MGAT4C: variants seen among roughly 807,000 people sequenced by gnomAD.
MGAT4C encodes the protein MGAT4 family member C, also known as alpha-1,3-mannosyl-glycoprotein 4-beta-N-acetylglucosaminyltransferase C.
In MGAT4C, 19 loss-of-function variants were observed where a neutral mutation model predicts 40.1. That is an observed-to-expected ratio of 0.47 (90% CI 0.33 to 0.70). The LOEUF (loss-of-function observed/expected upper bound fraction) is 0.70, where lower values mean the gene tolerates loss of function less well. Among genes scored for constraint, MGAT4C ranks in the 30% least tolerant of loss-of-function variants. The pLI is 0.02. For missense variants in MGAT4C, 491 were observed against 563.2 expected, an observed-to-expected ratio of 0.87 and a Z score of 1.30; for synonymous variants, 181 against 187.1, an observed-to-expected ratio of 0.97 and a Z score of 0.27.
At chr12:86,364,199 G>A (rs1468300833) in intron 3 of MGAT4C, among the ~76,000 whole-genome samples, 6 of 151,900 alleles carry the variant, frequency 3.9e-5, no homozygotes, top group Non-Finnish European at 8.8e-5. Flanking sequence ...AGAAACATTT[G>A]TCAGTTTATT....
chr12:86,576,527 TC>T (rs1960564675), intron 2 of MGAT4C, among the ~76,000 whole-genome samples: 2 of 151,878 alleles, frequency 1.3e-5, no homozygotes, highest in Admixed American at 6.6e-5. Flanking sequence ...CTAGTTTCAT[TC>T]TTTTGCATAT....
intron 2 of MGAT4C, among the ~76,000 whole-genome samples, chr12:86,564,483 T>C (rs1376382917): frequency 1.3e-5 from 2 of 152,184 alleles, no homozygotes; most frequent in Admixed American, 1.3e-4. Context: ...TCCATTACAT[T>C]GATGGCATTA....
intron 2 of MGAT4C, among the ~76,000 whole-genome samples, chr12:86,591,305 A>G (rs1255662745): frequency 6.6e-6 from 1 of 152,026 alleles, no homozygotes; most frequent in East Asian, 1.9e-4. Context: ...CATCAGATCT[A>G]TGATATTAAT....
chr12:86,308,514 G>A lies in MGAT4C; in HGVS notation c.-57+25551C>T, dbSNP rs548864102. On this transcript the variant is annotated intron_variant, in intron 4 of 7. Transcript: ENST00000548651. ...TAAAAGGATGTTTTCTTCTGCAAAGGAAAAAAAAATAGGGATTTAGGCATT... is the reference window on the plus strand; with the variant it reads ...TAAAAGGATGTTTTCTTCTGCAAAGAAAAAAAAAATAGGGATTTAGGCATT... Among the ~76,000 whole-genome samples the A allele has an allele frequency of 1.9e-3, 276 of 148,172 alleles. 24 individuals are homozygous for A. Among genetic ancestry groups the A allele is most frequent in the African/African-American group, 6.7e-3 (265 of 39,268 alleles).
intron 2 of MGAT4C, among the ~76,000 whole-genome samples, chr12:86,658,776 T>C (rs1206241220): frequency 6.6e-6 from 1 of 152,142 alleles, no homozygotes; most frequent in Non-Finnish European, 1.5e-5. Context: ...GGGAAAATTA[T>C]ACTTTCTTGT....
intron 3 of MGAT4C, among the ~76,000 whole-genome samples, chr12:86,363,019 G>T (rs1955515563): frequency 6.6e-6 from 1 of 151,996 alleles, no homozygotes; most frequent in Non-Finnish European, 1.5e-5. Context: ...AAATTTGCAT[G>T]GATCTAACAA....
In MGAT4C at chr12:86,714,316, T is replaced by C. The variant is rs143032412; in HGVS notation, c.-229+12893A>G. 1.6e-3 allele frequency among the ~76,000 whole-genome samples: 243 copies of C among 152,254 alleles called. 1 individual carries two copies. The highest frequency in any genetic ancestry group is 2.5e-3 in the Non-Finnish European group (169 of 68,000). ...GTTCTTGTGTTATGTTCTCAGTGTC[T>C]ACCTCAGTATTTGACATGTGGTTAA... On this transcript the variant is annotated intron_variant, in intron 2 of 7. Transcript: ENST00000548651.
intron 1 of MGAT4C, among the ~76,000 whole-genome samples, chr12:86,147,264 C>T (rs952182856): frequency 1.3e-5 from 2 of 150,916 alleles, no homozygotes; most frequent in African/African-American, 2.4e-5. Context: ...TTTTTTGAGA[C>T]GTAGTCTCGC....
rs545077641 is a variant in MGAT4C, at chr12:86,434,161, A to G, written c.-120+996T>C. On this transcript the variant is annotated intron_variant, in intron 3 of 7. Transcript: ENST00000548651. ...CATGGATGTAACTGAGCAACTTAAA[A>G]AGAATAAAATCTGAATCATACAAGT... Among the ~76,000 whole-genome samples the G allele has an allele frequency of 2.6e-5, 4 of 152,160 alleles. No homozygotes were observed. The East Asian group carries it at 7.7e-4, about 29-fold the overall frequency.
chr12:86,673,259 C>T (rs1041307213), intron 2 of MGAT4C, among the ~76,000 whole-genome samples: 38 of 152,252 alleles, frequency 2.5e-4, no homozygotes, highest in Non-Finnish European at 1.5e-4. Flanking sequence ...TCAGTTTATT[C>T]ATCTTTAAAA....
At chr12:86,406,376 T>A (rs1454980306) in intron 3 of MGAT4C, among the ~76,000 whole-genome samples, 1 of 151,870 alleles carries the variant, frequency 6.6e-6, no homozygotes, top group East Asian at 1.9e-4. Flanking sequence ...CTAAAATATA[T>A]GAAGAATTCT....
At chr12:86,185,091 T>C (rs963796238) in intron 1 of MGAT4C, among the ~76,000 whole-genome samples, 1 of 152,210 alleles carries the variant, frequency 6.6e-6, no homozygotes, top group African/African-American at 2.4e-5. Flanking sequence ...ATTTATAGAA[T>C]GTGGTGTTGC....
At chr12:86,435,876 G>A (rs1462492512) in intron 2 of MGAT4C, among the ~76,000 whole-genome samples, 1 of 151,790 alleles carries the variant, frequency 6.6e-6, no homozygotes, top group Non-Finnish European at 1.5e-5. Context: ...AGGTCACAAA[G>A]CATTGGCTTT....
intron 1 of MGAT4C, among the ~76,000 whole-genome samples, chr12:86,104,397 G>A (rs575627867): frequency 6.6e-6 from 1 of 152,224 alleles, no homozygotes; most frequent in African/African-American, 2.4e-5. Flanking sequence ...CCGAGATAGT[G>A]CCATTGCACT....
chr12:86,392,758 T>A (rs1956181257), intron 3 of MGAT4C, among the ~76,000 whole-genome samples: 1 of 152,158 alleles, frequency 6.6e-6, no homozygotes, highest in African/African-American at 2.4e-5. Context: ...AAATACATAA[T>A]TGCATAGATG....
At chr12:86,606,680 C>CA (rs1392432548) in intron 2 of MGAT4C, among the ~76,000 whole-genome samples, 2 of 152,072 alleles carry the variant, frequency 1.3e-5, no homozygotes, top group Non-Finnish European at 2.9e-5. Context: ...GCATTTTTAA[C>CA]AGTCATTGTC....
In MGAT4C at chr12:85,975,848, T is replaced by A. The variant is rs1883940906; in HGVS notation, c.*3441A>T. On this transcript the variant is annotated 3_prime_UTR_variant, in exon 5 of 5. Transcript: ENST00000611864. ...GTGTGAGCTCTATTACTCAGTAATA[T>A]GATGCCATTACTGTGTTGATGGATG... 6.6e-6 allele frequency: 1 copy of A among 150,986 alleles called. No homozygotes were observed. The highest frequency in any genetic ancestry group is 2.1e-4 in the South Asian group (1 of 4,838). The allele number at this position is 150,986 out of a possible 1,614,324, so 9.4% of individuals were successfully genotyped here.
chr12:86,757,534 C>T (rs1475787296), intron 1 of MGAT4C, among the ~76,000 whole-genome samples: 1 of 152,058 alleles, frequency 6.6e-6, no homozygotes, highest in African/African-American at 2.4e-5. Flanking sequence ...TCATCCATTT[C>T]TCCCTGAGAT....
At chr12:86,509,293 C>T (rs937774824) in intron 2 of MGAT4C, among the ~76,000 whole-genome samples, 1 of 152,136 alleles carries the variant, frequency 6.6e-6, no homozygotes, top group Non-Finnish European at 1.5e-5. Flanking sequence ...AGCCAGTTTT[C>T]CCAGCACCAT....
Sources: allele counts gnomAD v4.1 joint callset (sites outside exome capture counted in the v4.1 genomes callset), GRCh38; gene constraint gnomAD v4.1.1; transcripts MANE v1.5; gene names NCBI Gene and HGNC (gene_info 2026-07-23, HGNC 2026-07-21).